RBFOX1: variants seen among roughly 807,000 people sequenced by gnomAD.
RBFOX1 encodes the protein RNA binding fox-1 homolog 1.
Under a neutral mutation model 57.7 loss-of-function variants are expected in RBFOX1, and 8 were observed. The ratio of observed to expected loss-of-function variants is 0.14; its 90% confidence interval spans 0.08 to 0.25. RBFOX1 has a LOEUF of 0.25. RBFOX1 is among the 10% of genes least tolerant of loss of function. The pLI, the probability that RBFOX1 is intolerant of heterozygous loss-of-function variation, is 1.00. For missense variants in RBFOX1, 611 were observed against 548.5 expected, an observed-to-expected ratio of 1.11 and a Z score of -1.14; for synonymous variants, 326 against 222.4, an observed-to-expected ratio of 1.47 and a Z score of -4.15.
At chr16:6,905,151 C>T (rs986095653) in intron 3 of RBFOX1, among the ~76,000 whole-genome samples, 1 of 152,120 alleles carries the variant, frequency 6.6e-6, no homozygotes, top group Non-Finnish European at 1.5e-5. Context: ...TACAGTTGGT[C>T]AGGGTTTTCA....
intron 1 of RBFOX1, among the ~76,000 whole-genome samples, chr16:6,204,819 G>A (rs1191813025): frequency 6.6e-6 from 1 of 152,118 alleles, no homozygotes; most frequent in Non-Finnish European, 1.5e-5. Flanking sequence ...GCCTGCATGT[G>A]TGTTCCTCAT....
At chr16:5,948,061 C>T (rs2059440393) in intron 4 of RBFOX1, among the ~76,000 whole-genome samples, 1 of 152,074 alleles carries the variant, frequency 6.6e-6, no homozygotes, top group African/African-American at 2.4e-5. Context: ...GAGGCAGGTG[C>T]ACAAGGGTGG....
At chr16:6,263,215 T>C (rs1173805951) in intron 1 of RBFOX1, among the ~76,000 whole-genome samples, 1 of 152,154 alleles carries the variant, frequency 6.6e-6, no homozygotes, top group Non-Finnish European at 1.5e-5. Context: ...TACTTTCTGC[T>C]TCCCCAGGAA....
intron 2 of RBFOX1, among the ~76,000 whole-genome samples, chr16:6,561,213 C>T (rs1202066983): frequency 6.6e-6 from 1 of 152,108 alleles, no homozygotes; most frequent in East Asian, 1.9e-4. Flanking sequence ...TGGAAAGGTT[C>T]CCTGCTGTCT....
intron 3 of RBFOX1, among the ~76,000 whole-genome samples, chr16:5,842,601 C>G (rs757600747): frequency 6.6e-5 from 10 of 152,140 alleles, no homozygotes; most frequent in Admixed American, 2.0e-4. Flanking sequence ...ATGTCTGGCT[C>G]TGCTCTAGGT....
chr16:7,532,608 C>T (rs77010163), intron 5 of RBFOX1, among the ~76,000 whole-genome samples: 1,894 of 152,300 alleles, frequency 0.012, 43 homozygotes, highest in African/African-American at 0.043. Flanking sequence ...TTCCTTTTCT[C>T]TCTTCTCTCC....
intron 4 of RBFOX1, among the ~76,000 whole-genome samples, chr16:7,448,459 G>C (rs193154944): frequency 1.9e-4 from 29 of 152,290 alleles, no homozygotes; most frequent in Non-Finnish European, 3.8e-4. Context: ...GCAAGAGAGT[G>C]TATGCAGGGC....
At chr16:5,375,532 TGTGTA>T (rs1322617170) in intron 1 of RBFOX1, among the ~76,000 whole-genome samples, 1 of 151,950 alleles carries the variant, frequency 6.6e-6, no homozygotes, top group African/African-American at 2.4e-5. Flanking sequence ...GACTGCGAGG[TGTGTA>T]CATGGAGATC....
At chr16:6,477,870 T>G (rs1193368527) in intron 2 of RBFOX1, among the ~76,000 whole-genome samples, 1 of 152,212 alleles carries the variant, frequency 6.6e-6, no homozygotes, top group Non-Finnish European at 1.5e-5. Context: ...CCATCAGCAC[T>G]TGCCATTTCA....
At chr16:6,305,106 C>T (rs1042312304) in intron 1 of RBFOX1, among the ~76,000 whole-genome samples, 1 of 152,172 alleles carries the variant, frequency 6.6e-6, no homozygotes, top group Non-Finnish European at 1.5e-5. Flanking sequence ...CTTGTAAAAG[C>T]ACATCAATCA....
rs577180508 is a variant in RBFOX1 at position 7,263,805 on chromosome 16, C to T, written c.27+211707C>T. Among the ~76,000 whole-genome samples the T allele has an allele frequency of 2.4e-4, 36 of 151,628 alleles. No individual in the cohort carries two copies. The East Asian group carries it at 5.1e-3, about 21-fold the overall frequency. Reference sequence around the variant, plus strand: ...CAGCTGCTCAAGAGGTAGGCTGAGGCGGGAGAATCGCTTGAACCCAGAAGG... The same window carrying T: ...CAGCTGCTCAAGAGGTAGGCTGAGGTGGGAGAATCGCTTGAACCCAGAAGG... On this transcript the variant is annotated intron_variant, in intron 4 of 15. Coordinates refer to ENST00000550418, the MANE Select transcript of RBFOX1 (RefSeq NM_018723.4).
intron 4 of RBFOX1, among the ~76,000 whole-genome samples, chr16:7,127,829 T>C (rs1286200297): frequency 6.6e-6 from 1 of 152,192 alleles, no homozygotes; most frequent in Non-Finnish European, 1.5e-5. Context: ...CAAAGGTCGT[T>C]TGCAAGCATA....
intron 4 of RBFOX1, among the ~76,000 whole-genome samples, chr16:5,891,378 C>G (rs1000398825): frequency 4.6e-5 from 7 of 152,194 alleles, no homozygotes; most frequent in African/African-American, 1.7e-4. Context: ...TTCCCCAAAA[C>G]AAGCGCCTTC....
At chr16:7,457,770 GTTC>G (rs1369368709) in intron 4 of RBFOX1, among the ~76,000 whole-genome samples, 1 of 151,556 alleles carries the variant, frequency 6.6e-6, no homozygotes, top group African/African-American at 2.4e-5. Flanking sequence ...AGTCTGGAAG[GTTC>G]TTCTTACGAG....
chr16:6,943,099 G>A (rs1471529908), intron 3 of RBFOX1, among the ~76,000 whole-genome samples: 1 of 152,162 alleles, frequency 6.6e-6, no homozygotes, highest in East Asian at 1.9e-4. Flanking sequence ...GTCCCCAGGA[G>A]GGAGCCAATC....
At chr16:6,847,239 T>C (rs1362761970) in intron 3 of RBFOX1, among the ~76,000 whole-genome samples, 1 of 152,116 alleles carries the variant, frequency 6.6e-6, no homozygotes, top group Non-Finnish European at 1.5e-5. Context: ...ATATACAACA[T>C]GTATCTCTCA....
intron 4 of RBFOX1, among the ~76,000 whole-genome samples, chr16:7,200,658 C>G (rs1445154364): frequency 1.3e-5 from 2 of 152,150 alleles, no homozygotes; most frequent in South Asian, 2.1e-4. Flanking sequence ...GGAAATAGTT[C>G]ACTTAGTCAG....
intron 1 of RBFOX1, among the ~76,000 whole-genome samples, chr16:5,378,407 C>G (rs28544444): frequency 0.1 from 15,495 of 151,464 alleles, 1,479 homozygotes; most frequent in African/African-American, 0.2. Context: ...CGCCCAGGAT[C>G]GGGGAGTTAG....
At chr16:7,386,392 C>G (rs1330754529) in intron 4 of RBFOX1, among the ~76,000 whole-genome samples, 1 of 151,808 alleles carries the variant, frequency 6.6e-6, no homozygotes, top group Non-Finnish European at 1.5e-5. Flanking sequence ...CCCCCACCCC[C>G]CAACAGGCCC....
Sources: allele counts gnomAD v4.1 joint callset (sites outside exome capture counted in the v4.1 genomes callset), GRCh38; gene constraint gnomAD v4.1.1; transcripts MANE v1.5; gene names NCBI Gene and HGNC (gene_info 2026-07-23, HGNC 2026-07-21).